Variants in BRAP observed in about 807,000 individuals in gnomAD.
The protein encoded by BRAP is BRCA1 associated protein, also known as BRCA1-associated protein.
Under a neutral mutation model 73.4 loss-of-function variants are expected in BRAP, and 42 were observed. The observed-to-expected ratio is 0.57, with a 90% CI of 0.45 to 0.74. BRAP has a LOEUF of 0.74. Ranked by LOEUF, BRAP falls within the 30% of genes least tolerant of loss-of-function variation. BRAP has a pLI of 0.00. For missense variants in BRAP, 593 were observed against 751.4 expected, an observed-to-expected ratio of 0.79 and a Z score of 2.46; for synonymous variants, 255 against 267.4, an observed-to-expected ratio of 0.95 and a Z score of 0.45.
At chr12:111,683,598 T>C (rs1887686625) in intron 1 of BRAP, among the ~76,000 whole-genome samples, 1 of 152,142 alleles carries the variant, frequency 6.6e-6, no homozygotes, top group Admixed American at 6.6e-5. Flanking sequence ...TGGAGTGCAG[T>C]GGTGTGATCT....
intron 11 of BRAP, among the ~76,000 whole-genome samples, chr12:111,647,803 G>A (rs925947165): frequency 2.6e-5 from 4 of 151,900 alleles, no homozygotes; most frequent in East Asian, 1.9e-4. Flanking sequence ...GCTGAGGCAG[G>A]AGAATTGCTT....
chr12:111,658,401 A>G (rs1218928339), intron 9 of BRAP, among the ~76,000 whole-genome samples: 1 of 151,634 alleles, frequency 6.6e-6, no homozygotes, highest in Non-Finnish European at 1.5e-5. Context: ...CCCAGGTTCA[A>G]GCGATTCTCT....
At chr12:111,681,911 C>A in intron 2 of BRAP, 76 bp from the exon 3 acceptor site, 3 of 1,358,664 alleles carry the variant, frequency 2.2e-6, no homozygotes, top group Non-Finnish European at 2.0e-6. Context: ...ATTAAAATTT[C>A]AAGTCAGAGG....
rs1886902561 is a variant in BRAP, at chr12:111,665,430, G to C, written c.896+209C>G. Reference sequence around the variant, plus strand: ...GGAAAGAACAACTCATGCTGCTTTGGGGAATTCCACAAGGGTTCAGAATCA... The same window carrying C: ...GGAAAGAACAACTCATGCTGCTTTGCGGAATTCCACAAGGGTTCAGAATCA... On this transcript the variant is annotated intron_variant, in intron 6 of 11. Transcript: ENST00000419234. The surrounding 1 kb of genome is among the most constrained non-coding windows in gnomAD (Gnocchi z 4.3). Among the ~76,000 whole-genome samples the C allele has an allele frequency of 6.6e-6, 1 of 152,060 alleles. No homozygotes were observed. Among genetic ancestry groups the C allele is most frequent in the African/African-American group, 2.4e-5 (1 of 41,400 alleles).
At chr12:111,668,180 C>T (rs1184134117) in intron 5 of BRAP, among the ~76,000 whole-genome samples, 1 of 152,136 alleles carries the variant, frequency 6.6e-6, no homozygotes. Context: ...GCACTCCAGC[C>T]TGGGCGACAG....
intron 10 of BRAP, among the ~76,000 whole-genome samples, chr12:111,650,600 G>A (rs2135896105): frequency 6.6e-6 from 1 of 152,124 alleles, no homozygotes; most frequent in African/African-American, 2.4e-5. Flanking sequence ...ATGCCACGTT[G>A]GCCAGGCTGG....
At chr12:111,657,595 C>T (rs970741326) in intron 9 of BRAP, among the ~76,000 whole-genome samples, 4 of 151,990 alleles carry the variant, frequency 2.6e-5, no homozygotes, top group South Asian at 2.1e-4. Flanking sequence ...AAACATGACT[C>T]GTGGCCGGGT....
At chr12:111,685,510 T>G in intron 1 of BRAP, 1 of 1,243,502 alleles carries the variant, frequency 8.0e-7, no homozygotes, top group Non-Finnish European at 1.0e-6. Flanking sequence ...GGGAGGGAGG[T>G]TCGGGGCAGG....
chr12:111,651,715 A>G (rs112234420), intron 10 of BRAP, among the ~76,000 whole-genome samples: 2,114 of 137,782 alleles, frequency 0.015, 66 homozygotes, highest in African/African-American at 0.055. Flanking sequence ...TTGGCTCACT[A>G]CAACCTCCAA....
chr12:111,682,192 A>G (rs1356200843), intron 2 of BRAP, among the ~76,000 whole-genome samples: 1 of 152,130 alleles, frequency 6.6e-6, no homozygotes, highest in Non-Finnish European at 1.5e-5. Context: ...CATGTTGGAG[A>G]TGTAGTACTA....
At chr12:111,660,926 G>A (rs1252741632) in intron 6 of BRAP, among the ~76,000 whole-genome samples, 1 of 151,984 alleles carries the variant, frequency 6.6e-6, no homozygotes, top group East Asian at 1.9e-4. Context: ...GATGATCAAA[G>A]AGCTAAGTAT....
intron 1 of BRAP, 56 bp from the exon 2 acceptor site, chr12:111,683,363 T>C: frequency 6.6e-7 from 1 of 1,516,920 alleles, no homozygotes; most frequent in Non-Finnish European, 8.9e-7. Flanking sequence ...CTCTCTGTTC[T>C]CTATTCCTCT....
At chr12:111,678,313 C>T (rs1566128668) in intron 4 of BRAP, among the ~76,000 whole-genome samples, 1 of 148,886 alleles carries the variant, frequency 6.7e-6, no homozygotes, top group Non-Finnish European at 1.5e-5. Flanking sequence ...ATGGTGTTAA[C>T]TTCAAAAAGT....
intron 5 of BRAP, among the ~76,000 whole-genome samples, chr12:111,670,855 T>A (rs1887141150): frequency 6.6e-6 from 1 of 152,176 alleles, no homozygotes; most frequent in South Asian, 2.1e-4. Flanking sequence ...ATCCTAACAC[T>A]TTGGGAGGCC....
At chr12:111,670,084 T>C in intron 5 of BRAP, 2 of 625,738 alleles carry the variant, frequency 3.2e-6, no homozygotes, top group Non-Finnish European at 3.1e-6. Flanking sequence ...GGAGCAAGAG[T>C]TGGAACAGTT....
Position 111,644,127 on chromosome 12 carries a change from T to C in BRAP, c.*72A>G. The C allele has an allele frequency of 6.5e-7, 1 of 1,532,286 alleles. No individual in the cohort carries two copies. The highest frequency in any genetic ancestry group is 8.7e-7 in the Non-Finnish European group (1 of 1,145,092). The allele number at this position is 1,532,286 out of a possible 1,614,324, so 94.9% of individuals were successfully genotyped here. A position where few individuals can be genotyped will look rare whatever the true frequency, so the allele number is the denominator to read the frequency against. On this transcript the variant is annotated 3_prime_UTR_variant, in exon 12 of 12. Transcript: ENST00000419234. ...TACTTATTAGGGCCCACCCTCACAT[T>C]TAGCTGAAGGTCCCAGCACACTCTC...
intron 10 of BRAP, among the ~76,000 whole-genome samples, chr12:111,651,901 G>C (rs1043623710): frequency 6.6e-6 from 1 of 152,012 alleles, no homozygotes; most frequent in Non-Finnish European, 1.5e-5. Flanking sequence ...CTCCCAAAGT[G>C]CTAGGATTAC....
At chr12:111,656,252 A>G (rs1319587794) in intron 9 of BRAP, among the ~76,000 whole-genome samples, 6 of 152,216 alleles carry the variant, frequency 3.9e-5, no homozygotes, top group Non-Finnish European at 1.5e-5. Context: ...AACCACAGGG[A>G]AGGGACAGAT....
chr12:111,670,039 C>G, intron 5 of BRAP: 1 of 632,586 alleles, frequency 1.6e-6, no homozygotes, highest in Non-Finnish European at 3.0e-6. Flanking sequence ...CTATCTTCAT[C>G]TTCATTAAAA....
Sources: allele counts gnomAD v4.1 joint callset (sites outside exome capture counted in the v4.1 genomes callset), GRCh38; gene constraint gnomAD v4.1.1; non-coding constraint Gnocchi (gnomAD v3.1); transcripts MANE v1.5; gene names NCBI Gene and HGNC (gene_info 2026-07-23, HGNC 2026-07-21).